ZKSCAN5: variants seen among roughly 807,000 people sequenced by gnomAD.
ZKSCAN5 encodes the protein zinc finger with KRAB and SCAN domains 5.
Under a neutral mutation model 60.0 loss-of-function variants are expected in ZKSCAN5, and 28 were observed. That is an observed-to-expected ratio of 0.47 (90% confidence interval 0.35 to 0.64). The LOEUF (loss-of-function observed/expected upper bound fraction) is 0.64, where lower values mean the gene tolerates loss of function less well. ZKSCAN5 is among the 30% of genes least tolerant of loss of function. The pLI, the probability that ZKSCAN5 is intolerant of heterozygous loss-of-function variation, is 0.01. For synonymous variants in ZKSCAN5, 361 were observed against 371.2 expected, an observed-to-expected ratio of 0.97 and a Z score of 0.31; for missense variants, 881 against 1,034.6, an observed-to-expected ratio of 0.85 and a Z score of 2.04.
At chr7:99,506,780 T>C (rs924967174) in intron 2 of ZKSCAN5, among the ~76,000 whole-genome samples, 5 of 152,176 alleles carry the variant, frequency 3.3e-5, no homozygotes, top group Non-Finnish European at 5.9e-5. Flanking sequence ...CCTCCCGGGT[T>C]CACGCCATTC....
intron 5 of ZKSCAN5, among the ~76,000 whole-genome samples, chr7:99,522,519 G>A (rs1438381545): frequency 2.0e-5 from 3 of 151,446 alleles, no homozygotes; most frequent in African/African-American, 7.3e-5. Context: ...TGTTGCCCAG[G>A]GAGCAGTGCA....
intron 6 of ZKSCAN5, 126 bp downstream of exon 6, chr7:99,526,544 C>T: frequency 1.4e-6 from 2 of 1,428,922 alleles, no homozygotes. Context: ...CAAAGGTTAT[C>T]GTTTATTTGG....
chr7:99,523,597 C>A (rs1229561665), intron 5 of ZKSCAN5, among the ~76,000 whole-genome samples: 2 of 150,506 alleles, frequency 1.3e-5, no homozygotes, highest in Non-Finnish European at 2.9e-5. Flanking sequence ...CAGAGCAAGA[C>A]CCAGTCTCAA....
rs114021014 is a variant in ZKSCAN5 at position 99,531,520 on chromosome 7, C to T, written c.1791C>T (p.Arg597=). The T allele has an allele frequency of 2.7e-4, 437 of 1,614,176 alleles. No individual in the cohort carries two copies. The highest frequency in any genetic ancestry group is 3.4e-4 in the Non-Finnish European group (403 of 1,180,042). The change falls in exon 7 of 7, where the codon CGC becomes CGT. Residue 597 remains arginine, a synonymous_variant. Coordinates refer to ENST00000326775, the MANE Select transcript of ZKSCAN5 (RefSeq NM_145102.4). ...NQRVHLTQHQ[R]VHTGEKPYTC... The stretch of plus-strand genomic sequence containing the variant: ...GCGTGCACCTAACTCAGCATCAGCG[C>T]GTCCACACAGGTGAGAAGCCCTACA...
Position 99,532,785 on chromosome 7 carries a change from A to G in ZKSCAN5, c.*536A>G, listed in dbSNP as rs956981699. 5 of 155,634 alleles carry G rather than the reference A, an allele frequency of 3.2e-5. No individual in the cohort carries two copies. The highest frequency in any genetic ancestry group is 1.2e-4 in the African/African-American group (5 of 41,512). The allele number at this position is 155,634 out of a possible 1,614,324, so 9.6% of individuals were successfully genotyped here. A position where few individuals can be genotyped will look rare whatever the true frequency, so the allele number is the denominator to read the frequency against. On this transcript the variant is annotated 3_prime_UTR_variant, in exon 7 of 7. Transcript: ENST00000326775. The stretch of plus-strand genomic sequence containing the variant: ...CCCACTTTGAGCATTAACCCCTTTG[A>G]AAAGAAATGGACTTAAAGTATCTCT...
chr7:99,525,748 C>T (rs1169011429), intron 5 of ZKSCAN5, 65 bp from the exon 6 acceptor site: 1 of 1,537,418 alleles, frequency 6.5e-7, no homozygotes, highest in Non-Finnish European at 8.7e-7. Context: ...CTTCATTATC[C>T]CCTCATTTTA....
At chr7:99,507,601 A>G (rs917341135) in intron 2 of ZKSCAN5, among the ~76,000 whole-genome samples, 1 of 150,324 alleles carries the variant, frequency 6.7e-6, no homozygotes, top group South Asian at 2.1e-4. Flanking sequence ...GTGTGTATAT[A>G]TATATGTATA....
intron 3 of ZKSCAN5, among the ~76,000 whole-genome samples, chr7:99,517,011 CA>C (rs1162406216): frequency 6.6e-6 from 1 of 152,186 alleles, no homozygotes; most frequent in Non-Finnish European, 1.5e-5. Context: ...ATAAAATACA[CA>C]AACACTAACC....
chr7:99,506,849 A>ATTTT (rs34098119), intron 2 of ZKSCAN5, among the ~76,000 whole-genome samples: 1 of 125,918 alleles, frequency 7.9e-6, no homozygotes, highest in Non-Finnish European at 1.7e-5. Context: ...GGCCCGGCTA[A>ATTTT]TTTTTTTTTT....
intron 6 of ZKSCAN5, among the ~76,000 whole-genome samples, chr7:99,526,746 G>A (rs1393904351): frequency 1.3e-5 from 2 of 152,098 alleles, no homozygotes; most frequent in East Asian, 3.9e-4. Flanking sequence ...GTAGACACAG[G>A]GTTTCCCCAT....
intron 3 of ZKSCAN5, among the ~76,000 whole-genome samples, chr7:99,513,040 A>G (rs1801112873): frequency 7.7e-6 from 1 of 129,234 alleles, no homozygotes; most frequent in Admixed American, 1.0e-4. Flanking sequence ...ATGTGTTCTC[A>G]TTGTTCAGTT....
rs754903550 is a variant in ZKSCAN5, at chr7:99,506,168, A to T, written c.124A>T (p.Asn42Tyr). The T allele has an allele frequency of 1.2e-6, 2 of 1,614,074 alleles. No homozygotes were observed. Among genetic ancestry groups the T allele is most frequent in the African/African-American group, 2.7e-5 (2 of 74,928 alleles). Residue 42 changes from asparagine to tyrosine, a missense_variant, in exon 2 of 7, where the codon AAC (asparagine) becomes TAC (tyrosine). By Grantham distance (143) the Asn-to-Tyr change is moderately radical. Coordinates refer to ENST00000326775, the MANE Select transcript of ZKSCAN5 (RefSeq NM_145102.4). ...EEDCTWMQEY[N>Y]PPTFETFYQR... ...AGACTGCACCTGGATGCAGGAGTACAACCCGCCAACGTTTGAGACTTTTTA... is the reference window on the plus strand; with the variant it reads ...AGACTGCACCTGGATGCAGGAGTACTACCCGCCAACGTTTGAGACTTTTTA...
At chr7:99,518,992 T>C (rs1801396975) in intron 3 of ZKSCAN5, among the ~76,000 whole-genome samples, 1 of 146,144 alleles carries the variant, frequency 6.8e-6, no homozygotes, top group African/African-American at 2.6e-5. Context: ...TTTTTTTTTT[T>C]TGAGACGGAG....
At chr7:99,518,228 C>G (rs891109017) in intron 3 of ZKSCAN5, among the ~76,000 whole-genome samples, 3 of 151,994 alleles carry the variant, frequency 2.0e-5, no homozygotes, top group African/African-American at 7.2e-5. Flanking sequence ...TGAGACGATC[C>G]TGGACAACGT....
chr7:99,532,107 G>A lies in ZKSCAN5; in HGVS notation c.2378G>A (p.Arg793Lys). ...TLKSHLNQHQ[R>K]IHTGEKPFQC... Reference sequence around the variant, plus strand: ...AAGTCACATCTTAATCAACATCAGAGAATCCATACTGGTGAGAAACCTTTT... The same window carrying A: ...AAGTCACATCTTAATCAACATCAGAAAATCCATACTGGTGAGAAACCTTTT... The change falls in exon 7 of 7, where the codon AGA (arginine) becomes AAA (lysine). Residue 793 changes from arginine to lysine, a missense_variant. By Grantham distance (26) the Arg-to-Lys change is conservative. Transcript: ENST00000326775. 3 of 1,614,190 alleles carry A rather than the reference G, an allele frequency of 1.9e-6. No homozygotes were observed. The highest frequency in any genetic ancestry group is 2.5e-6 in the Non-Finnish European group (3 of 1,180,048).
Position 99,505,992 on chromosome 7 carries a change from A to G in ZKSCAN5, c.-40-13A>G. 6.3e-7 allele frequency: 1 copy of G among 1,574,996 alleles called. No homozygotes were observed. Among genetic ancestry groups the G allele is most frequent in the Non-Finnish European group, 8.6e-7 (1 of 1,158,960 alleles). ...TCAGAAGATATTAAAGAGCAGAAAA[A>G]CAATTGTTTCAGTGTAACACAGCCA... is the stretch of plus-strand genomic sequence containing the variant. On this transcript the variant is annotated splice_polypyrimidine_tract_variant and intron_variant, in intron 1 of 6. Transcript: ENST00000326775.
rs773205242 is a variant in ZKSCAN5 at position 99,506,200 on chromosome 7, C to A, written c.156C>A (p.Arg52=). ...CAACGTTTGAGACTTTTTACCAGCG[C>A]TTCAGGCACTTCCAGTACCATGAGG... is the stretch of plus-strand genomic sequence containing the variant. The part of the protein sequence containing the change: ...NPPTFETFYQ[R]FRHFQYHEAS... Residue 52 remains arginine (R), a synonymous_variant, in exon 2 of 7, where the codon CGC becomes CGA. Coordinates refer to ENST00000326775, the MANE Select transcript of ZKSCAN5 (RefSeq NM_145102.4). 2.5e-6 allele frequency: 4 copies of A among 1,614,214 alleles called. No homozygotes were observed. The South Asian group carries it at 4.4e-5, about 18-fold the overall frequency.
At chr7:99,529,042 C>CT (rs1282648819) in intron 6 of ZKSCAN5, among the ~76,000 whole-genome samples, 2 of 152,204 alleles carry the variant, frequency 1.3e-5, no homozygotes, top group Non-Finnish European at 2.9e-5. Context: ...TATTTCCTGA[C>CT]TCCTAGTCAG....
At chr7:99,520,534 G>A (rs913825875) in intron 5 of ZKSCAN5, among the ~76,000 whole-genome samples, 3 of 151,866 alleles carry the variant, frequency 2.0e-5, no homozygotes, top group African/African-American at 4.8e-5. Context: ...TACTTGGGGG[G>A]ACTGTTTTTG....
Sources: allele counts gnomAD v4.1 joint callset (sites outside exome capture counted in the v4.1 genomes callset), GRCh38; gene constraint gnomAD v4.1.1; transcripts MANE v1.5; gene names NCBI Gene and HGNC (gene_info 2026-07-23, HGNC 2026-07-21).